The following CDH24 variants were observed in gnomAD, a reference collection of about 807,000 sequenced individuals.
CDH24 encodes the protein cadherin 24, also known as cadherin-24.
A neutral mutation model predicts 71.2 loss-of-function variants in CDH24; 61 were observed. The ratio of observed to expected loss-of-function variants is 0.86; its 90% confidence interval spans 0.70 to 1.06. CDH24 has a LOEUF of 1.06. Among genes scored for constraint, CDH24 ranks in the 50% least tolerant of loss-of-function variants. The pLI is 0.00. For missense variants in CDH24, 961 were observed against 1,083.7 expected (o/e 0.89, Z 1.59); for synonymous variants, 440 against 470.2 (o/e 0.94, Z 0.83).
rs138610766 is a variant in CDH24, at chr14:23,055,246, A to T, written c.309T>A (p.Val103=). 231 of 1,614,150 alleles carry T rather than the reference A, an allele frequency of 1.4e-4. No homozygotes were observed. The African/African-American group carries it at 2.5e-3, about 17-fold the overall frequency. ...TTTCCTCCCGGTCAAGGCTCTTGGT[A>T]ACATGAATATTGCCTGTGGCCTCAT... is the stretch of plus-strand genomic sequence containing the variant. ...VIDEATGNIH[V]TKSLDREEKA... Residue 103 remains valine, a synonymous_variant, in exon 3 of 13, where the codon GTT becomes GTA. Transcript: ENST00000487137. This position sits in a 1 kb window ranked among gnomAD's most constrained non-coding sequence, Gnocchi z 4.1.
In CDH24 at chr14:23,054,787, A is replaced by G; in HGVS notation, c.576T>C (p.Val192=). ...CAGAGAAGAAAGGCAGTCCATCCAG[A>G]ACAGTGTACACCAGCTTGGCACTGT... ...YGNSAKLVYT[V]LDGLPFFSVD... The change falls in exon 4 of 13, where the codon GTT becomes GTC. Residue 192 remains valine, a synonymous_variant. Coordinates refer to ENST00000487137, the MANE Select transcript of CDH24 (RefSeq NM_144985.4). This position sits in a 1 kb window ranked among gnomAD's most constrained non-coding sequence, Gnocchi z 5.2. The G allele has an allele frequency of 6.2e-7, 1 of 1,614,052 alleles. No homozygotes were observed. Among genetic ancestry groups the G allele is most frequent in the South Asian group, 1.1e-5 (1 of 91,060 alleles).
chr14:23,050,171 G>T, intron 8 of CDH24: 1 of 515,234 alleles, frequency 1.9e-6, no homozygotes, highest in Non-Finnish European at 3.3e-6. Flanking sequence ...ATACACAATA[G>T]ACATTCAACA....
intron 10 of CDH24, 125 bp downstream of exon 10, chr14:23,049,502 C>A (rs959329265): frequency 2.8e-6 from 2 of 707,016 alleles, no homozygotes. Flanking sequence ...CAAGTCCACA[C>A]CCATCTTCTG....
rs2047148559 is a variant in CDH24 at position 23,057,509 on chromosome 14, C to T, written c.-231G>A. 6.6e-6 allele frequency: 1 copy of T among 151,848 alleles called. No homozygotes were observed. The highest frequency in any genetic ancestry group is 1.5e-5 in the Non-Finnish European group (1 of 67,900). The allele number at this position is 151,848 out of a possible 1,614,324, so 9.4% of individuals were successfully genotyped here. ...CCGATTGGAGCGGGCGCCGCGGCTCCGCTGCAGGTCTGAGCGGCCCCGGCG... is the reference window on the plus strand; with the variant it reads ...CCGATTGGAGCGGGCGCCGCGGCTCTGCTGCAGGTCTGAGCGGCCCCGGCG... On this transcript the variant is annotated 5_prime_UTR_variant, in exon 1 of 13. Transcript: ENST00000487137. The surrounding 1 kb of genome is among the most constrained non-coding windows in gnomAD (Gnocchi z 5.4).
chr14:23,048,462 C>G lies in CDH24; in HGVS notation c.1864G>C (p.Val622Leu). The change falls in exon 12 of 13, where the codon GTG (valine) becomes CTG (leucine). Residue 622 changes from valine (V) to leucine (L), a missense_variant. By Grantham distance (32) the Val-to-Leu change is conservative. This residue lies in a region of CDH24 where 290 missense variants were observed against 272.8 expected (regional missense o/e 1.06). Coordinates refer to ENST00000487137, the MANE Select transcript of CDH24 (RefSeq NM_144985.4). ...GALLALVVLF[V>L]ALRRQKQEAL... Reference sequence around the variant, plus strand: ...TCTTGCTTCTGCCGCCGCAGGGCCACGAAGAGCACCACCAGGGCTGCGCGA... The same window carrying G: ...TCTTGCTTCTGCCGCCGCAGGGCCAGGAAGAGCACCACCAGGGCTGCGCGA... 2 of 1,608,352 alleles carry G rather than the reference C, an allele frequency of 1.2e-6. No homozygotes were observed. The highest frequency in any genetic ancestry group is 1.7e-6 in the Non-Finnish European group (2 of 1,179,422).
intron 8 of CDH24, among the ~76,000 whole-genome samples, chr14:23,050,752 TG>T (rs1399265432): frequency 6.6e-6 from 1 of 152,212 alleles, no homozygotes; most frequent in African/African-American, 2.4e-5. Context: ...ATGCAAAGTG[TG>T]TCTCCCTGTC....
At position 23,055,421 on chromosome 14, in the gene CDH24, G is replaced by A; in HGVS notation, c.202-68C>T. ...AGACAGGGTTAAAGAGTCTAGGTTTGGGTAGAGCGTTGGGAGTCCTGAGGG... is the reference window on the plus strand; with the variant it reads ...AGACAGGGTTAAAGAGTCTAGGTTTAGGTAGAGCGTTGGGAGTCCTGAGGG... On this transcript the variant is annotated intron_variant, in intron 2 of 12. Coordinates refer to ENST00000487137, the MANE Select transcript of CDH24 (RefSeq NM_144985.4). This position sits in a 1 kb window ranked among gnomAD's most constrained non-coding sequence, Gnocchi z 4.1. The A allele has an allele frequency of 1.3e-6, 2 of 1,585,984 alleles. No individual in the cohort carries two copies. Among genetic ancestry groups the A allele is most frequent in the Non-Finnish European group, 8.6e-7 (1 of 1,162,614 alleles).
Position 23,047,952 on chromosome 14 carries a change from C to G in CDH24, c.*28G>C, listed in dbSNP as rs929195651. 17 of 1,292,316 alleles carry G rather than the reference C, an allele frequency of 1.3e-5. No homozygotes were observed. Among genetic ancestry groups the G allele is most frequent in the Middle Eastern group, 3.0e-4 (1 of 3,352 alleles). 80.1% of individuals were successfully genotyped at this position (1,292,316 alleles called of 1,614,324 possible). A position where few individuals can be genotyped will look rare whatever the true frequency, so the allele number is the denominator to read the frequency against. ...AGGGCCTGTGCCCGCTGCCCCCCCC[C>G]CGCGGTGGGCCGGGCCAGCCCGGGC... On this transcript the variant is annotated 3_prime_UTR_variant, in exon 12 of 13. Transcript: ENST00000487137.
chr14:23,048,819 T>C (rs967072858), intron 11 of CDH24, among the ~76,000 whole-genome samples: 1 of 152,146 alleles, frequency 6.6e-6, no homozygotes, highest in Non-Finnish European at 1.5e-5. Context: ...AGTAAACCAT[T>C]GTTATGGCTT....
In CDH24 at chr14:23,048,093, A is replaced by G; in HGVS notation, c.2233T>C (p.Ser745Pro). The G allele has an allele frequency of 7.1e-7, 1 of 1,414,896 alleles. No homozygotes were observed. The highest frequency in any genetic ancestry group is 1.4e-5 in the South Asian group (1 of 69,818). 87.6% of individuals were successfully genotyped at this position (1,414,896 alleles called of 1,614,324 possible). The change falls in exon 12 of 13, where the codon TCC (serine) becomes CCC (proline). Residue 745 changes from serine (S) to proline (P), a missense_variant. Physicochemically the swap from Ser to Pro is moderately conservative, Grantham distance 74 (BLOSUM62 -1). Coordinates refer to ENST00000487137, the MANE Select transcript of CDH24 (RefSeq NM_144985.4). ...GGGGCGCCGCCGGCTTCGCTGCCGG[A>G]GCCCAGGGAGCTGAGGGAGCCGCAA... ...SSCGSLSSLG[S>P]GSEAGGAPGP...
chr14:23,048,959 G>T (rs1431713885), intron 11 of CDH24, 68 bp downstream of exon 11: 1 of 1,546,408 alleles, frequency 6.5e-7, no homozygotes. Context: ...GTGTCCAGAG[G>T]CCTGGTTCTT....
In CDH24 at chr14:23,053,555, CG is replaced by C. The variant is rs767098720; in HGVS notation, c.1166del (p.Pro389ArgfsTer5). The stretch of plus-strand genomic sequence containing the variant: ...CGGAGATCTGGCCTACCAGGGTCCC[CG>C]GGGCCTTGTTCTCAGGCACTGTCAG... Reference protein sequence around the residue: ...YHLTVPENKAPGTLVGQISAA... With the variant: ...YHLTVPENKAXGTLVGQISAA... On this transcript the variant is annotated frameshift_variant, in exon 7 of 13. Coordinates refer to ENST00000487137, the MANE Select transcript of CDH24 (RefSeq NM_144985.4). LOFTEE classifies it high-confidence loss of function. 6.2e-7 allele frequency: 1 copy of C among 1,609,532 alleles called. No homozygotes were observed. The highest frequency in any genetic ancestry group is 8.5e-7 in the Non-Finnish European group (1 of 1,176,592).
intron 8 of CDH24, among the ~76,000 whole-genome samples, chr14:23,050,532 C>T (rs1340011395): frequency 1.4e-5 from 2 of 141,242 alleles, no homozygotes; most frequent in African/African-American, 2.5e-5. Flanking sequence ...CACACACACA[C>T]ATCCCATCAG....
rs746760919 is a variant in CDH24 at position 23,049,816 on chromosome 14, G to A, written c.1485+6C>T. On this transcript the variant is annotated splice_donor_region_variant and intron_variant, in intron 9 of 12. Transcript: ENST00000487137. ...ACGTCCCAACCCCTCTGCCTCAGTT[G>A]CTCACCTGGCCAGGAGCTGCAGAGT... is the stretch of plus-strand genomic sequence containing the variant. The A allele has an allele frequency of 4.3e-6, 7 of 1,613,806 alleles. No homozygotes were observed. In the Admixed American group the frequency reaches 1.2e-4, roughly 27 times the overall value.
Position 23,048,185 on chromosome 14 carries a change from T to TACGGGGGTACG in CDH24, c.2140_2141insCGTACCCCCGT (p.Asp714AlafsTer93). 1 of 1,340,868 alleles carries TACGGGGGTACG rather than the reference T, an allele frequency of 7.5e-7. No homozygotes were observed. Among genetic ancestry groups the TACGGGGGTACG allele is most frequent in the Non-Finnish European group, 9.6e-7 (1 of 1,042,434 alleles). The allele number at this position is 1,340,868 out of a possible 1,614,324, so 83.1% of individuals were successfully genotyped here. On this transcript the variant is annotated frameshift_variant, in exon 12 of 13. Transcript: ENST00000487137. LOFTEE classifies it high-confidence loss of function. ...GTACGGGGGTACGCCGGGGTCCTCG[T>TACGGGGGTACG]CCGCCTCGCGGAGCCGCAGCGCCAG...
At chr14:23,056,445 T>TG in intron 1 of CDH24, among the ~76,000 whole-genome samples, 1 of 151,594 alleles carries the variant, frequency 6.6e-6, no homozygotes, top group East Asian at 1.9e-4. Flanking sequence ...GGATACAGGG[T>TG]GGGGGACAGG....
At chr14:23,053,836 CACAT>C in intron 6 of CDH24, 87 bp from the exon 7 acceptor site, 3 of 1,310,772 alleles carry the variant, frequency 2.3e-6, no homozygotes, top group Non-Finnish European at 3.1e-6. Context: ...GTCCCCTCCT[CACAT>C]GCATGCAGTG....
Position 23,055,126 on chromosome 14 carries a change from GA to G in CDH24, c.428del (p.Ile143ThrfsTer27). 1.9e-6 allele frequency: 3 copies of G among 1,614,118 alleles called. No homozygotes were observed. Among genetic ancestry groups the G allele is most frequent in the Non-Finnish European group, 2.5e-6 (3 of 1,180,008 alleles). ...GGGGAAAAATGGGTGGATTGTCGTT[GA>G]TGTCTTGCACTTTGATGATGAACTC... ...PSEFIIKVQD[I>X]NDNPPIFPLG... On this transcript the variant is annotated frameshift_variant, in exon 3 of 13. Transcript: ENST00000487137. LOFTEE classifies it high-confidence loss of function. The surrounding 1 kb of genome is among the most constrained non-coding windows in gnomAD (Gnocchi z 4.1).
Position 23,047,928 on chromosome 14 carries a change from G to A in CDH24, c.*52C>T. 1 of 1,265,962 alleles carries A rather than the reference G, an allele frequency of 7.9e-7. No individual in the cohort carries two copies. Among genetic ancestry groups the A allele is most frequent in the Non-Finnish European group, 1.0e-6 (1 of 1,002,402 alleles). 78.4% of individuals were successfully genotyped at this position (1,265,962 alleles called of 1,614,324 possible). A position where few individuals can be genotyped will look rare whatever the true frequency, so the allele number is the denominator to read the frequency against. ...CTGGACCCCGTGGGGCTCACTCAGAGGGCCTGTGCCCGCTGCCCCCCCCCC... is the reference window on the plus strand; with the variant it reads ...CTGGACCCCGTGGGGCTCACTCAGAAGGCCTGTGCCCGCTGCCCCCCCCCC... On this transcript the variant is annotated 3_prime_UTR_variant, in exon 12 of 13. Transcript: ENST00000487137.
Sources: allele counts gnomAD v4.1 joint callset (sites outside exome capture counted in the v4.1 genomes callset), GRCh38; gene constraint gnomAD v4.1.1; regional missense constraint gnomAD v4.1.1; non-coding constraint Gnocchi (gnomAD v3.1); transcripts MANE v1.5; gene names NCBI Gene and HGNC (gene_info 2026-07-23, HGNC 2026-07-21).